Variants in PDZD2 observed in about 807,000 individuals in gnomAD.
PDZD2 encodes PDZ domain-containing protein 2.
A neutral mutation model predicts 220.7 loss-of-function variants in PDZD2; 90 were observed. The observed-to-expected ratio is 0.41, with a 90% CI of 0.34 to 0.49. The LOEUF (loss-of-function observed/expected upper bound fraction) is 0.49, where lower values mean the gene tolerates loss of function less well. Among genes scored for constraint, PDZD2 ranks in the 20% least tolerant of loss-of-function variants. The probability of loss-of-function intolerance (pLI) is 0.28; values close to 1 mark genes in which losing one functional copy is unlikely to be tolerated. For missense variants in PDZD2, 3,174 were observed against 3,608.5 expected (o/e 0.88, Z 3.08); for synonymous variants, 1,375 against 1,450.5 (o/e 0.95, Z 1.18).
intron 7 of PDZD2, among the ~76,000 whole-genome samples, chr5:32,040,808 A>G (rs1013015109): frequency 3.5e-3 from 237 of 68,466 alleles, no homozygotes; most frequent in East Asian, 5.8e-3. Flanking sequence ...AGTGGGGAGC[A>G]CCTCTGCCCA....
In PDZD2 at chr5:31,850,226, G is replaced by A. The variant is rs77172326; in HGVS notation, c.476+50502G>A. Among the ~76,000 whole-genome samples, 213 of 101,180 alleles carry A rather than the reference G, an allele frequency of 2.1e-3. 2 individuals are homozygous for A. Among genetic ancestry groups the A allele is most frequent in the African/African-American group, 7.5e-3 (193 of 25,602 alleles). The allele number at this position is 101,180 out of a possible 152,430, so 66.4% of individuals were successfully genotyped here. On this transcript the variant is annotated intron_variant, in intron 2 of 24. Coordinates refer to ENST00000438447, the MANE Select transcript of PDZD2 (RefSeq NM_178140.4). ...TAAGTATATATGTGTATATATATAA[G>A]TATATATATATATATATACACACAC...
chr5:31,921,236 A>G (rs1485526335), intron 2 of PDZD2, among the ~76,000 whole-genome samples: 1 of 152,166 alleles, frequency 6.6e-6, no homozygotes, highest in African/African-American at 2.4e-5. Flanking sequence ...TTGGTTGGGA[A>G]TTTGAATCCC....
At position 32,088,214 on chromosome 5, in the gene PDZD2, A is replaced by G; in HGVS notation, c.4766A>G (p.Glu1589Gly). The G allele has an allele frequency of 1.2e-6, 2 of 1,614,174 alleles. No homozygotes were observed. Among genetic ancestry groups the G allele is most frequent in the Non-Finnish European group, 1.7e-6 (2 of 1,180,024 alleles). Residue 1589 changes from glutamate (E) to glycine (G), a missense_variant, in exon 20 of 25, where the codon GAA becomes GGA. Glu to Gly is a moderately conservative substitution (Grantham distance 98, BLOSUM62 -2). This residue lies in a region of PDZD2 where 1,861 missense variants were observed against 2,001.0 expected (regional missense o/e 0.93). Coordinates refer to ENST00000438447, the MANE Select transcript of PDZD2 (RefSeq NM_178140.4). The surrounding 1 kb of genome is among the most constrained non-coding windows in gnomAD (Gnocchi z 4.6). ...PPRSRVSLHK[E>G]DPSESEEEQI... The stretch of plus-strand genomic sequence containing the variant: ...CGTTCCCGTGTGTCTTTGCACAAGG[A>G]AGATCCTTCGGAGTCAGAAGAGGAA...
intron 1 of PDZD2, among the ~76,000 whole-genome samples, chr5:31,683,973 T>G (rs1746750296): frequency 1.0e-5 from 1 of 98,792 alleles, no homozygotes; most frequent in Non-Finnish European, 2.6e-5. Context: ...TCACCAGTAT[T>G]TTTTTTTTAA....
intron 6 of PDZD2, among the ~76,000 whole-genome samples, chr5:32,032,975 C>T (rs1165577855): frequency 1.3e-5 from 2 of 152,154 alleles, no homozygotes; most frequent in African/African-American, 2.4e-5. Context: ...CAGGAAGGCT[C>T]TACCATGGAA....
chr5:31,895,071 G>A (rs944195327), intron 2 of PDZD2, among the ~76,000 whole-genome samples: 7 of 152,134 alleles, frequency 4.6e-5, no homozygotes, highest in African/African-American at 1.7e-4. Context: ...TGTATTTTTA[G>A]TAGAGACGGG....
chr5:31,880,858 A>G (rs1561537083), intron 2 of PDZD2, among the ~76,000 whole-genome samples: 1 of 126,360 alleles, frequency 7.9e-6, no homozygotes. Context: ...CTGGAGTGCA[A>G]TGGTGCAATC....
rs183706569 is a variant in PDZD2, at chr5:31,682,314, G to C, written c.-361+42877G>C. Among the ~76,000 whole-genome samples the C allele has an allele frequency of 9.9e-5, 15 of 152,284 alleles. No homozygotes were observed. In the East Asian group the frequency reaches 2.9e-3, roughly 29 times the overall value. ...TGGGTGTGCAAGGCCAATATGAACA[G>C]TTTTCTTTCTTTCAAGTCCGTGGTT... On this transcript the variant is annotated intron_variant, in intron 1 of 24. Transcript: ENST00000438447.
chr5:31,910,125 G>A (rs1743036475), intron 2 of PDZD2, among the ~76,000 whole-genome samples: 2 of 151,654 alleles, frequency 1.3e-5, no homozygotes, highest in African/African-American at 4.8e-5. Context: ...GTTCAGAAAG[G>A]TCAAATAACT....
At chr5:31,965,329 G>T (rs1431168864) in intron 2 of PDZD2, among the ~76,000 whole-genome samples, 1 of 152,186 alleles carries the variant, frequency 6.6e-6, no homozygotes, top group African/African-American at 2.4e-5. Flanking sequence ...GGGCACAGGG[G>T]ATTGGTTTGA....
rs150949080 is a variant in PDZD2 at position 31,929,428 on chromosome 5, G to C, written c.477-53727G>C. On this transcript the variant is annotated intron_variant, in intron 2 of 24. Coordinates refer to ENST00000438447, the MANE Select transcript of PDZD2 (RefSeq NM_178140.4). Reference sequence around the variant, plus strand: ...TGGCCTCTGCCACTAGATGCCAGCAGCAATGCCCCACCCATCCTAGTTGTG... The same window carrying C: ...TGGCCTCTGCCACTAGATGCCAGCACCAATGCCCCACCCATCCTAGTTGTG... 2.3e-3 allele frequency among the ~76,000 whole-genome samples: 356 copies of C among 152,376 alleles called. 1 individual carries two copies. Among genetic ancestry groups the C allele is most frequent in the African/African-American group, 8.2e-3 (341 of 41,584 alleles).
At chr5:31,956,559 A>T (rs570604061) in intron 2 of PDZD2, among the ~76,000 whole-genome samples, 30 of 142,892 alleles carry the variant, frequency 2.1e-4, no homozygotes, top group Admixed American at 1.8e-3. Flanking sequence ...AAAAAAAAAA[A>T]TAAATAAAAT....
At chr5:31,718,761 C>T (rs1294784295) in intron 1 of PDZD2, among the ~76,000 whole-genome samples, 2 of 140,688 alleles carry the variant, frequency 1.4e-5, no homozygotes, top group Non-Finnish European at 3.0e-5. Context: ...AGTGCAGTAG[C>T]ACGATCTCGG....
chr5:32,011,471 C>T (rs571677770), intron 6 of PDZD2, among the ~76,000 whole-genome samples: 14 of 152,278 alleles, frequency 9.2e-5, no homozygotes, highest in African/African-American at 3.4e-4. Context: ...TGCTCTCCAA[C>T]CTGGGCTACA....
At chr5:31,956,794 G>C (rs966498642) in intron 2 of PDZD2, among the ~76,000 whole-genome samples, 4 of 136,230 alleles carry the variant, frequency 2.9e-5, no homozygotes, top group South Asian at 2.5e-4. Flanking sequence ...AAGGGACAAA[G>C]AGGAAACTGA....
rs752590345 is a variant in PDZD2 at position 32,088,938 on chromosome 5, C to T, written c.5490C>T (p.Pro1830=). Residue 1830 remains proline, a synonymous_variant, in exon 20 of 25, where the codon CCC becomes CCT. Transcript: ENST00000438447. This position sits in a 1 kb window ranked among gnomAD's most constrained non-coding sequence, Gnocchi z 4.6. ...KEQPLMPARS[P]DSKIQMVSSS... Reference sequence around the variant, plus strand: ...AACCTCTAATGCCTGCCAGAAGTCCCGACTCCAAGATTCAGATGGTGAGTT... The same window carrying T: ...AACCTCTAATGCCTGCCAGAAGTCCTGACTCCAAGATTCAGATGGTGAGTT... 4.3e-6 allele frequency: 7 copies of T among 1,613,686 alleles called. No homozygotes were observed. The highest frequency in any genetic ancestry group is 1.6e-4 in the Middle Eastern group (1 of 6,084).
chr5:31,668,541 G>A (rs1002705817), intron 1 of PDZD2, among the ~76,000 whole-genome samples: 1 of 152,190 alleles, frequency 6.6e-6, no homozygotes, highest in African/African-American at 2.4e-5. Context: ...TGTTTTTCAT[G>A]ACATATTTGC....
intron 3 of PDZD2, among the ~76,000 whole-genome samples, chr5:31,985,901 C>T (rs982831396): frequency 6.6e-6 from 1 of 151,500 alleles, no homozygotes; most frequent in Non-Finnish European, 1.5e-5. Flanking sequence ...CATGGAGAAA[C>T]CCCGTCTCTA....
At chr5:31,975,660 A>G (rs1749683704) in intron 2 of PDZD2, among the ~76,000 whole-genome samples, 1 of 152,148 alleles carries the variant, frequency 6.6e-6, no homozygotes, top group African/African-American at 2.4e-5. Flanking sequence ...ATCTATTCCT[A>G]GGCCTAGACT....
Sources: allele counts gnomAD v4.1 joint callset (sites outside exome capture counted in the v4.1 genomes callset), GRCh38; gene constraint gnomAD v4.1.1; regional missense constraint gnomAD v4.1.1; non-coding constraint Gnocchi (gnomAD v3.1); transcripts MANE v1.5; gene names NCBI Gene and HGNC (gene_info 2026-07-23, HGNC 2026-07-21).